Variants in SNX27 observed in about 807,000 individuals in gnomAD.
SNX27 encodes sorting nexin 27.
A neutral mutation model predicts 71.6 loss-of-function variants in SNX27; 22 were observed. The observed-to-expected ratio is 0.31, with a 90% CI of 0.22 to 0.44. The LOEUF (loss-of-function observed/expected upper bound fraction) is 0.44, where lower values mean the gene tolerates loss of function less well. SNX27 is among the 20% of genes least tolerant of loss of function. The probability of loss-of-function intolerance (pLI) is 1.00; values close to 1 mark genes in which losing one functional copy is unlikely to be tolerated. For synonymous variants in SNX27, 269 were observed against 277.2 expected (o/e 0.97, Z 0.29); for missense variants, 531 against 698.6 (o/e 0.76, Z 2.70).
At chr1:151,622,052 C>T (rs118009793) in intron 1 of SNX27, among the ~76,000 whole-genome samples, 2 of 152,240 alleles carry the variant, frequency 1.3e-5, no homozygotes, top group East Asian at 1.9e-4. Context: ...GGAAAAGGTC[C>T]GACTGTACCT....
chr1:151,679,358 C>G (rs891091829), intron 7 of SNX27: 1 of 152,036 alleles, frequency 6.6e-6, no homozygotes, highest in Non-Finnish European at 1.5e-5. Flanking sequence ...AATAATGAAC[C>G]TTTTCCTTAA....
chr1:151,633,969 TG>T (rs1468465333), intron 1 of SNX27, among the ~76,000 whole-genome samples: 4 of 149,406 alleles, frequency 2.7e-5, no homozygotes, highest in African/African-American at 4.9e-5. Flanking sequence ...GATGTGTATG[TG>T]TGTTTTTTTT....
Position 151,612,420 on chromosome 1 carries a change from G to A in SNX27, c.219G>A (p.Glu73=), listed in dbSNP as rs1036685665. 16 of 1,499,848 alleles carry A rather than the reference G, an allele frequency of 1.1e-5. No homozygotes were observed. Among genetic ancestry groups the A allele is most frequent in the African/African-American group, 1.4e-5 (1 of 69,220 alleles). 92.9% of individuals were successfully genotyped at this position (1,499,848 alleles called of 1,614,324 possible). A position where few individuals can be genotyped will look rare whatever the true frequency, so the allele number is the denominator to read the frequency against. Residue 73 remains glutamate, a synonymous_variant, in exon 1 of 12, where the codon GAG becomes GAA. Coordinates refer to ENST00000458013, the MANE Select transcript of SNX27 (RefSeq NM_001330723.2). The surrounding 1 kb of genome is among the most constrained non-coding windows in gnomAD (Gnocchi z 5.2). The part of the protein sequence containing the change: ...EGGQLRSING[E]LYAPLQHVSA... The stretch of plus-strand genomic sequence containing the variant: ...GGCAACTGCGGAGCATCAACGGGGA[G>A]CTGTACGCGCCGCTGCAGCATGTGA...
rs771189015 is a variant in SNX27 at position 151,662,186 on chromosome 1, C to T, written c.822C>T (p.Asp274=). The change falls in exon 5 of 12, where the codon GAC becomes GAT. Residue 274 remains aspartate, a synonymous_variant. Transcript: ENST00000458013. ...CCCAGAACTACAATGGTGTGTCCGA[C>T]GTAGAGCTGAGAGTAGCATTACCAG... is the stretch of plus-strand genomic sequence containing the variant. The part of the protein sequence containing the change: ...ESDENYNGVS[D]VELRVALPDG... The T allele has an allele frequency of 3.9e-5, 63 of 1,613,026 alleles. 1 individual carries two copies. The Admixed American group carries it at 5.7e-4, about 15-fold the overall frequency.
chr1:151,625,287 C>G (rs1891591), intron 1 of SNX27, among the ~76,000 whole-genome samples: 84,183 of 151,958 alleles, frequency 0.55, 24,916 homozygotes, highest in Non-Finnish European at 0.68. Context: ...CGGCAGATCA[C>G]TTGAGGTCAG....
At position 151,662,280 on chromosome 1, in the gene SNX27, A is replaced by G. The variant is rs1669996969; in HGVS notation, c.906+10A>G. On this transcript the variant is annotated intron_variant, in intron 5 of 11. Coordinates refer to ENST00000458013, the MANE Select transcript of SNX27 (RefSeq NM_001330723.2). ...AGACCAAGTATATCAGGTAAATTAAATGAACACGTAGACTTGACATTGGAT... is the reference window on the plus strand; with the variant it reads ...AGACCAAGTATATCAGGTAAATTAAGTGAACACGTAGACTTGACATTGGAT... The G allele has an allele frequency of 6.5e-7, 1 of 1,546,212 alleles. No individual in the cohort carries two copies. Among genetic ancestry groups the G allele is most frequent in the Non-Finnish European group, 8.9e-7 (1 of 1,119,294 alleles).
intron 1 of SNX27, chr1:151,614,074 T>A (rs775985062): frequency 2.6e-5 from 4 of 152,150 alleles, no homozygotes; most frequent in Non-Finnish European, 4.4e-5. Flanking sequence ...TCGTGCCATC[T>A]ACCCTTATCC....
Position 151,617,603 on chromosome 1 carries a change from T to C in SNX27, c.311+5091T>C, listed in dbSNP as rs546309037. ...CCAGTCAGTCTGTAGTGTTTTTACA[T>C]CTGATCTTCACACAGTCCTGTGAGA... is the stretch of plus-strand genomic sequence containing the variant. On this transcript the variant is annotated intron_variant, in intron 1 of 11. Coordinates refer to ENST00000458013, the MANE Select transcript of SNX27 (RefSeq NM_001330723.2). Among the ~76,000 whole-genome samples the C allele has an allele frequency of 3.9e-5, 6 of 152,338 alleles. No individual in the cohort carries two copies. The South Asian group carries it at 1.2e-3, about 32-fold the overall frequency.
intron 1 of SNX27, chr1:151,614,071 A>G (rs1320744277): frequency 6.6e-6 from 1 of 151,850 alleles, no homozygotes. Context: ...ATCTCGTGCC[A>G]TCTACCCTTA....
At chr1:151,659,367 C>A (rs1226326772) in intron 3 of SNX27, among the ~76,000 whole-genome samples, 1 of 152,184 alleles carries the variant, frequency 6.6e-6, no homozygotes, top group East Asian at 1.9e-4. Flanking sequence ...CCTGCCTCGG[C>A]CTCCCGAGTA....
intron 6 of SNX27, chr1:151,666,277 C>G: frequency 3.5e-6 from 1 of 288,114 alleles, no homozygotes; most frequent in Non-Finnish European, 6.4e-6. Flanking sequence ...GTTCAAAATT[C>G]ATATATTCCA....
At chr1:151,682,283 G>A (rs1274649632) in intron 7 of SNX27, among the ~76,000 whole-genome samples, 1 of 152,144 alleles carries the variant, frequency 6.6e-6, no homozygotes, top group Non-Finnish European at 1.5e-5. Context: ...GACACTACCT[G>A]AGATTAGGTA....
chr1:151,681,514 T>C lies in SNX27; in HGVS notation c.1150-1842T>C, dbSNP rs573153889. Among the ~76,000 whole-genome samples, 91 of 152,056 alleles carry C rather than the reference T, an allele frequency of 6.0e-4. 1 individual carries two copies. The highest frequency in any genetic ancestry group is 8.5e-4 in the Admixed American group (13 of 15,262). ...GCCTTGGCCTCCCAAAGTGCTGAGATTACAGGCATGAGCCACCGCGCCTGG... is the reference window on the plus strand; with the variant it reads ...GCCTTGGCCTCCCAAAGTGCTGAGACTACAGGCATGAGCCACCGCGCCTGG... On this transcript the variant is annotated intron_variant, in intron 7 of 11. Coordinates refer to ENST00000458013, the MANE Select transcript of SNX27 (RefSeq NM_001330723.2).
intron 1 of SNX27, among the ~76,000 whole-genome samples, chr1:151,620,619 T>G (rs1056170858): frequency 6.6e-6 from 1 of 152,184 alleles, no homozygotes; most frequent in African/African-American, 2.4e-5. Flanking sequence ...TTGATAACTT[T>G]CATCCTTGTG....
At chr1:151,658,802 A>T (rs1669820800) in intron 3 of SNX27, among the ~76,000 whole-genome samples, 1 of 152,004 alleles carries the variant, frequency 6.6e-6, no homozygotes, top group African/African-American at 2.4e-5. Context: ...CTCCTGCCTC[A>T]GCCTCCTGAG....
Position 151,612,638 on chromosome 1 carries a change from C to A in SNX27, c.311+126C>A, listed in dbSNP as rs1332644950. On this transcript the variant is annotated intron_variant, in intron 1 of 11. Coordinates refer to ENST00000458013, the MANE Select transcript of SNX27 (RefSeq NM_001330723.2). The surrounding 1 kb of genome is among the most constrained non-coding windows in gnomAD (Gnocchi z 5.2). ...TCCGAGCCGGCCTCCGGACCCCCGCCCCTCAGGCCTCCGCAGCCGGGCCCC... is the reference window on the plus strand; with the variant it reads ...TCCGAGCCGGCCTCCGGACCCCCGCACCTCAGGCCTCCGCAGCCGGGCCCC... 1.2e-5 allele frequency: 9 copies of A among 736,110 alleles called. No individual in the cohort carries two copies. The highest frequency in any genetic ancestry group is 1.7e-5 in the Non-Finnish European group (9 of 523,404). 45.6% of individuals were successfully genotyped at this position (736,110 alleles called of 1,614,324 possible). A position where few individuals can be genotyped will look rare whatever the true frequency, so the allele number is the denominator to read the frequency against.
intron 7 of SNX27, among the ~76,000 whole-genome samples, chr1:151,681,868 C>A (rs1437020725): frequency 6.6e-6 from 1 of 151,666 alleles, no homozygotes; most frequent in East Asian, 1.9e-4. Context: ...TTAAATCAGG[C>A]AAATCTGTTT....
At chr1:151,652,256 G>T (rs1476140111) in intron 2 of SNX27, among the ~76,000 whole-genome samples, 1 of 149,334 alleles carries the variant, frequency 6.7e-6, no homozygotes, top group Non-Finnish European at 1.5e-5. Flanking sequence ...GACGGAGAGG[G>T]AGAGGGAGAG....
chr1:151,626,910 T>C (rs1667971490), intron 1 of SNX27, among the ~76,000 whole-genome samples: 1 of 152,150 alleles, frequency 6.6e-6, no homozygotes, highest in Non-Finnish European at 1.5e-5. Context: ...TACTGTAAAG[T>C]GCTCCAGGCT....
Sources: allele counts gnomAD v4.1 joint callset (sites outside exome capture counted in the v4.1 genomes callset), GRCh38; gene constraint gnomAD v4.1.1; non-coding constraint Gnocchi (gnomAD v3.1); transcripts MANE v1.5; gene names NCBI Gene and HGNC (gene_info 2026-07-23, HGNC 2026-07-21).